PDE6G: variants seen among roughly 807,000 people sequenced by gnomAD.
PDE6G encodes the protein phosphodiesterase 6G, also known as rod cGMP 3',5'-cyclic phosphodiesterase subunit gamma.
A neutral mutation model predicts 10.9 loss-of-function variants in PDE6G; 10 were observed. The observed-to-expected ratio is 0.91, with a 90% CI of 0.56 to 1.55. The LOEUF (loss-of-function observed/expected upper bound fraction) is 1.55, where lower values mean the gene tolerates loss of function less well. PDE6G is among the 40% of genes most tolerant of loss of function. The probability of loss-of-function intolerance (pLI) is 0.00; values close to 1 mark genes in which losing one functional copy is unlikely to be tolerated. For synonymous variants in PDE6G, 41 were observed against 42.8 expected, an observed-to-expected ratio of 0.96 and a Z score of 0.16; for missense variants, 102 against 110.1, an observed-to-expected ratio of 0.93 and a Z score of 0.33.
intron 1 of PDE6G, among the ~76,000 whole-genome samples, chr17:81,662,016 G>A (rs2036516922): frequency 6.6e-6 from 1 of 152,010 alleles, no homozygotes; most frequent in Non-Finnish European, 1.5e-5. Flanking sequence ...GGGTGACAGG[G>A]CGAGACTCTG....
rs1201970515 is a variant in PDE6G, at chr17:81,651,764, C to T, written c.147-79G>A. 2 of 1,458,310 alleles carry T rather than the reference C, an allele frequency of 1.4e-6. No homozygotes were observed. The highest frequency in any genetic ancestry group is 1.9e-6 in the Non-Finnish European group (2 of 1,051,264). 90.3% of individuals were successfully genotyped at this position (1,458,310 alleles called of 1,614,324 possible). On this transcript the variant is annotated intron_variant, in intron 2 of 3. Transcript: ENST00000331056. The surrounding 1 kb of genome is among the most constrained non-coding windows in gnomAD (Gnocchi z 4.8). ...GCCTGAGGCCCGAGGTCATCTCTAG[C>T]CTTCCTAGGAGATGAGGTGTTTGGC...
upstream of PDE6G, among the ~76,000 whole-genome samples, chr17:81,658,578 C>T (rs185278642): frequency 1.3e-3 from 194 of 151,756 alleles, 1 homozygote; most frequent in African/African-American, 4.3e-3. Context: ...TGGTGGCTCA[C>T]GCCTGTAATC....
rs926665391 is a variant in PDE6G at position 81,650,867 on chromosome 17, C to T, written c.*207G>A. 13 of 647,950 alleles carry T rather than the reference C, an allele frequency of 2.0e-5. No individual in the cohort carries two copies. The highest frequency in any genetic ancestry group is 3.4e-5 in the Non-Finnish European group (12 of 351,006). 40.1% of individuals were successfully genotyped at this position (647,950 alleles called of 1,614,324 possible). ...TCTCCAGATGTTGAGCAGGGCCTGGCCAGCCCCTGAGGGGGCATCCTAGAG... is the reference window on the plus strand; with the variant it reads ...TCTCCAGATGTTGAGCAGGGCCTGGTCAGCCCCTGAGGGGGCATCCTAGAG... On this transcript the variant is annotated 3_prime_UTR_variant, in exon 4 of 4. Coordinates refer to ENST00000331056, the MANE Select transcript of PDE6G (RefSeq NM_002602.4).
Position 81,653,137 on chromosome 17 carries a change from C to T in PDE6G, c.146+23G>A, listed in dbSNP as rs200178288. ...AGGACCGCCTCCTCCCTTTCAGAGGCCCCATCCCCCAGCTCTGCTTACCCT... is the reference window on the plus strand; with the variant it reads ...AGGACCGCCTCCTCCCTTTCAGAGGTCCCATCCCCCAGCTCTGCTTACCCT... On this transcript the variant is annotated intron_variant, in intron 2 of 3. Coordinates refer to ENST00000331056, the MANE Select transcript of PDE6G (RefSeq NM_002602.4). The surrounding 1 kb of genome is among the most constrained non-coding windows in gnomAD (Gnocchi z 5.2). 6 of 1,613,692 alleles carry T rather than the reference C, an allele frequency of 3.7e-6. No individual in the cohort carries two copies. In the Admixed American group the frequency reaches 5.0e-5, roughly 13 times the overall value.
chr17:81,659,424 C>A (rs1181647630), upstream of PDE6G, among the ~76,000 whole-genome samples: 1 of 151,416 alleles, frequency 6.6e-6, no homozygotes, highest in Non-Finnish European at 1.5e-5. Context: ...TATAGTGAAA[C>A]CCCATCTCTA....
rs2036337425 is a variant in PDE6G at position 81,650,794 on chromosome 17, G to A, written c.*280C>T. ...CCACTTCCCGTTCTCCCTGGGAGTG[G>A]AGACCGACCAAGCCTCTCTGTGGGC... On this transcript the variant is annotated 3_prime_UTR_variant, in exon 4 of 4. Transcript: ENST00000331056. 2 of 539,676 alleles carry A rather than the reference G, an allele frequency of 3.7e-6. No individual in the cohort carries two copies. The highest frequency in any genetic ancestry group is 1.0e-3 in the Middle Eastern group (2 of 1,930). 33.4% of individuals were successfully genotyped at this position (539,676 alleles called of 1,614,324 possible).
At position 81,656,504 on chromosome 17, in the gene PDE6G, C is replaced by A. The variant is rs1478986006; in HGVS notation, c.-71G>T. ...TGGCCACTACTCACCAAGTGCAGGG[C>A]GGGTCTCAGGGGGCTGTGCTGTGAG... is the stretch of plus-strand genomic sequence containing the variant. On this transcript the variant is annotated 5_prime_UTR_variant, in exon 1 of 4. Coordinates refer to ENST00000331056, the MANE Select transcript of PDE6G (RefSeq NM_002602.4). 6.5e-6 allele frequency: 5 copies of A among 763,368 alleles called. No individual in the cohort carries two copies. The highest frequency in any genetic ancestry group is 1.7e-5 in the Admixed American group (1 of 58,734). The allele number at this position is 763,368 out of a possible 1,614,324, so 47.3% of individuals were successfully genotyped here.
upstream of PDE6G, among the ~76,000 whole-genome samples, chr17:81,660,068 A>G (rs978669706): frequency 1.3e-5 from 2 of 151,372 alleles, no homozygotes; most frequent in African/African-American, 4.9e-5. Context: ...CTGGGCAACA[A>G]GAGCGAAACT....
At chr17:81,660,307 G>C (rs1203372119), upstream of PDE6G, among the ~76,000 whole-genome samples, 1 of 152,118 alleles carries the variant, frequency 6.6e-6, no homozygotes, top group Non-Finnish European at 1.5e-5. Flanking sequence ...AGCTACTGGG[G>C]AGGCTGAGGC....
At chr17:81,654,674 G>A (rs1358685255) in intron 1 of PDE6G, among the ~76,000 whole-genome samples, 1 of 151,332 alleles carries the variant, frequency 6.6e-6, no homozygotes, top group South Asian at 2.1e-4. Context: ...GAGCCACCGC[G>A]CCCGGCCTAA....
chr17:81,653,452 C>T lies in PDE6G; in HGVS notation c.-59-88G>A, dbSNP rs1458579138. 7.2e-6 allele frequency: 6 copies of T among 833,744 alleles called. No homozygotes were observed. Among genetic ancestry groups the T allele is most frequent in the Non-Finnish European group, 1.1e-5 (6 of 530,946 alleles). 51.6% of individuals were successfully genotyped at this position (833,744 alleles called of 1,614,324 possible). On this transcript the variant is annotated intron_variant, in intron 1 of 3. Coordinates refer to ENST00000331056, the MANE Select transcript of PDE6G (RefSeq NM_002602.4). This position sits in a 1 kb window ranked among gnomAD's most constrained non-coding sequence, Gnocchi z 5.2. ...CAACCCACCGGTGGAGGGGCTGAGA[C>T]CCAGCCCCGCCAGCTCCAGCGTCAT...
chr17:81,651,518 G>C lies in PDE6G; in HGVS notation c.187+127C>G, dbSNP rs375196953. On this transcript the variant is annotated intron_variant, in intron 3 of 3. Transcript: ENST00000331056. This position sits in a 1 kb window ranked among gnomAD's most constrained non-coding sequence, Gnocchi z 4.8. ...TGTTGGGGGAAGAAGTGATGGACAGGCTGGGGGTCCCTAAGTGAAAAGCAG... is the reference window on the plus strand; with the variant it reads ...TGTTGGGGGAAGAAGTGATGGACAGCCTGGGGGTCCCTAAGTGAAAAGCAG... 5.6e-4 allele frequency: 453 copies of C among 808,798 alleles called. 6 individuals are homozygous for C. In the African/African-American group the frequency reaches 7.0e-3, roughly 13 times the overall value. 50.1% of individuals were successfully genotyped at this position (808,798 alleles called of 1,614,324 possible).
chr17:81,650,966 C>T lies in PDE6G; in HGVS notation c.*108G>A, dbSNP rs1471078540. The T allele has an allele frequency of 1.2e-6, 1 of 824,276 alleles. No homozygotes were observed. The highest frequency in any genetic ancestry group is 2.1e-6 in the Non-Finnish European group (1 of 471,756). The allele number at this position is 824,276 out of a possible 1,614,324, so 51.1% of individuals were successfully genotyped here. A position where few individuals can be genotyped will look rare whatever the true frequency, so the allele number is the denominator to read the frequency against. Reference sequence around the variant, plus strand: ...TGAGGTTGCAGTCCCATCCTGGTGTCCAGGTGCCATCTGGGCTAGGGAGGC... The same window carrying T: ...TGAGGTTGCAGTCCCATCCTGGTGTTCAGGTGCCATCTGGGCTAGGGAGGC... On this transcript the variant is annotated 3_prime_UTR_variant, in exon 4 of 4. Coordinates refer to ENST00000331056, the MANE Select transcript of PDE6G (RefSeq NM_002602.4).
intron 1 of PDE6G, 60 bp downstream of exon 1, chr17:81,656,433 C>G: frequency 1.4e-6 from 1 of 724,152 alleles, no homozygotes; most frequent in Admixed American, 1.9e-5. Context: ...GAGCAGACCC[C>G]CACTGACTCA....
chr17:81,653,071 G>A lies in PDE6G; in HGVS notation c.146+89C>T. The A allele has an allele frequency of 6.8e-7, 1 of 1,468,714 alleles. No individual in the cohort carries two copies. The highest frequency in any genetic ancestry group is 9.5e-7 in the Non-Finnish European group (1 of 1,048,930). 91.0% of individuals were successfully genotyped at this position (1,468,714 alleles called of 1,614,324 possible). A position where few individuals can be genotyped will look rare whatever the true frequency, so the allele number is the denominator to read the frequency against. On this transcript the variant is annotated intron_variant, in intron 2 of 3. Transcript: ENST00000331056. The surrounding 1 kb of genome is among the most constrained non-coding windows in gnomAD (Gnocchi z 5.2). ...CTGGGACCACTCACCCAGTGAAGTG[G>A]CCCCAGGCTCTGCCCCGCCCTCCCC...
chr17:81,660,780 C>A (rs1024215767), upstream of PDE6G, among the ~76,000 whole-genome samples: 18 of 152,206 alleles, frequency 1.2e-4, no homozygotes, highest in African/African-American at 4.1e-4. Flanking sequence ...GCGTGAGCTG[C>A]CGTGCCCGGC....
At position 81,652,606 on chromosome 17, in the gene PDE6G, C is replaced by A. The variant is rs149194201; in HGVS notation, c.146+554G>T. ...TGTTTTTTTGAGACGGAGTTTTGTTCTTCTTGTTGCCCAGCCTGGAGTGCA... is the reference window on the plus strand; with the variant it reads ...TGTTTTTTTGAGACGGAGTTTTGTTATTCTTGTTGCCCAGCCTGGAGTGCA... On this transcript the variant is annotated intron_variant, in intron 2 of 3. Coordinates refer to ENST00000331056, the MANE Select transcript of PDE6G (RefSeq NM_002602.4). 5.9e-3 allele frequency among the ~76,000 whole-genome samples: 846 copies of A among 143,848 alleles called. 10 individuals carry two copies. Among genetic ancestry groups the A allele is most frequent in the African/African-American group, 0.02 (794 of 39,862 alleles). 94.4% of individuals were successfully genotyped at this position (143,848 alleles called of 152,430 possible). A position where few individuals can be genotyped will look rare whatever the true frequency, so the allele number is the denominator to read the frequency against.
At chr17:81,656,734 G>A (rs2036452411), upstream of PDE6G, 5 of 667,656 alleles carry the variant, frequency 7.5e-6, no homozygotes, top group South Asian at 4.8e-5. Context: ...CCGGGACAGG[G>A]AGAGAAGTGT....
upstream of PDE6G, among the ~76,000 whole-genome samples, chr17:81,657,817 C>A (rs994588125): frequency 6.6e-6 from 1 of 151,832 alleles, no homozygotes; most frequent in Non-Finnish European, 1.5e-5. Flanking sequence ...GGAGGCGGAG[C>A]TTGCAGTGAG....
Sources: allele counts gnomAD v4.1 joint callset (sites outside exome capture counted in the v4.1 genomes callset), GRCh38; gene constraint gnomAD v4.1.1; non-coding constraint Gnocchi (gnomAD v3.1); transcripts MANE v1.5; gene names NCBI Gene and HGNC (gene_info 2026-07-23, HGNC 2026-07-21).